SLC35E3: variants seen among roughly 807,000 people sequenced by gnomAD.
The protein encoded by SLC35E3 is bladder cancer-overexpressed gene 1 protein.
In SLC35E3, 28 loss-of-function variants were observed where a neutral mutation model predicts 30.8. That is an observed-to-expected ratio of 0.91 (90% CI 0.67 to 1.25). SLC35E3 has a LOEUF of 1.25. Ranked by LOEUF, SLC35E3 falls within the 50% of genes most tolerant of loss-of-function variation. The pLI is 0.00. For missense variants in SLC35E3, 365 were observed against 375.4 expected (o/e 0.97, Z 0.23); for synonymous variants, 146 against 149.2 (o/e 0.98, Z 0.16).
At chr12:68,763,733 T>C (rs1460020443) in intron 4 of SLC35E3, among the ~76,000 whole-genome samples, 4 of 152,234 alleles carry the variant, frequency 2.6e-5, no homozygotes, top group Non-Finnish European at 5.9e-5. Context: ...GTATTTAGTT[T>C]GCTTTTTAAA....
chr12:68,757,625 G>A (rs1448464170), intron 3 of SLC35E3, among the ~76,000 whole-genome samples: 1 of 152,122 alleles, frequency 6.6e-6, no homozygotes, highest in Non-Finnish European at 1.5e-5. Context: ...AACAATTATT[G>A]GTGCATAATA....
At position 68,765,803 on chromosome 12, in the gene SLC35E3, A is replaced by C. The variant is rs1307084479; in HGVS notation, c.*913A>C. Reference sequence around the variant, plus strand: ...GTTGGTCCCAGCAAAGTATATGAAAATTAAAGTTCTGTGATAATGACAAAG... The same window carrying C: ...GTTGGTCCCAGCAAAGTATATGAAACTTAAAGTTCTGTGATAATGACAAAG... On this transcript the variant is annotated 3_prime_UTR_variant, in exon 5 of 5. Transcript: ENST00000398004. 6.6e-6 allele frequency: 1 copy of C among 151,516 alleles called. No homozygotes were observed. The highest frequency in any genetic ancestry group is 1.5e-5 in the Non-Finnish European group (1 of 67,938). The allele number at this position is 151,516 out of a possible 1,614,324, so 9.4% of individuals were successfully genotyped here.
rs188199044 is a variant in SLC35E3, at chr12:68,753,797, C to T, written c.672+1607C>T. Among the ~76,000 whole-genome samples the T allele has an allele frequency of 3.1e-4, 27 of 86,926 alleles. 1 individual carries two copies. The Admixed American group carries it at 3.5e-3, about 11-fold the overall frequency. 57.0% of individuals were successfully genotyped at this position (86,926 alleles called of 152,430 possible). On this transcript the variant is annotated intron_variant, in intron 3 of 4. Coordinates refer to ENST00000398004, the MANE Select transcript of SLC35E3 (RefSeq NM_018656.5). ...TGTTCTTCCATATTTTTCTCCATGC[C>T]GTATATATCCATACACACACACACA...
rs1879477651 is a variant in SLC35E3 at position 68,767,662 on chromosome 12, C to T, written c.*2772C>T. 2 of 150,930 alleles carry T rather than the reference C, an allele frequency of 1.3e-5. No homozygotes were observed. The highest frequency in any genetic ancestry group is 4.9e-5 in the African/African-American group (2 of 41,152). 9.3% of individuals were successfully genotyped at this position (150,930 alleles called of 1,614,324 possible). A position where few individuals can be genotyped will look rare whatever the true frequency, so the allele number is the denominator to read the frequency against. On this transcript the variant is annotated 3_prime_UTR_variant, in exon 5 of 5. Coordinates refer to ENST00000398004, the MANE Select transcript of SLC35E3 (RefSeq NM_018656.5). The stretch of plus-strand genomic sequence containing the variant: ...TTGGGGTTTTTAGGATTTTTTTTTC[C>T]TGGACTCTGAAATGAGAAGCCTCGC...
chr12:68,746,470 C>T lies in SLC35E3; in HGVS notation c.93C>T (p.Leu31=). 1 of 1,614,228 alleles carries T rather than the reference C, an allele frequency of 6.2e-7. No homozygotes were observed. Among genetic ancestry groups the T allele is most frequent in the Non-Finnish European group, 8.5e-7 (1 of 1,180,024 alleles). The change falls in exon 1 of 5, where the codon CTC becomes CTT. Residue 31 remains leucine (L), a synonymous_variant. Transcript: ENST00000398004. The part of the protein sequence containing the change: ...NLLVSICIVF[L]NKWIYVYHGF... ...TGGTGTCCATCTGCATTGTGTTCCTCAACAAATGGATTTATGTGTACCACG... is the reference window on the plus strand; with the variant it reads ...TGGTGTCCATCTGCATTGTGTTCCTTAACAAATGGATTTATGTGTACCACG...
rs1190004922 is a variant in SLC35E3 at position 68,768,440 on chromosome 12, A to T, written c.*3550A>T. ...ATAAATGAATAAAATAAGTACTGCT[A>T]AAACTTGAGTCTGATAAACTTTTTT... is the stretch of plus-strand genomic sequence containing the variant. On this transcript the variant is annotated 3_prime_UTR_variant, in exon 5 of 5. Coordinates refer to ENST00000398004, the MANE Select transcript of SLC35E3 (RefSeq NM_018656.5). The T allele has an allele frequency of 6.6e-6, 1 of 152,194 alleles. No homozygotes were observed. The highest frequency in any genetic ancestry group is 1.5e-5 in the Non-Finnish European group (1 of 68,040). 9.4% of individuals were successfully genotyped at this position (152,194 alleles called of 1,614,324 possible).
Position 68,746,231 on chromosome 12 carries a change from A to C in SLC35E3, c.-147A>C, listed in dbSNP as rs933585973. 21 of 705,344 alleles carry C rather than the reference A, an allele frequency of 3.0e-5. No homozygotes were observed. The highest frequency in any genetic ancestry group is 4.1e-5 in the Non-Finnish European group (18 of 436,546). The allele number at this position is 705,344 out of a possible 1,614,324, so 43.7% of individuals were successfully genotyped here. A position where few individuals can be genotyped will look rare whatever the true frequency, so the allele number is the denominator to read the frequency against. ...GTGTGTGTCCTCTGTTAAGAGTGCT[A>C]CTCGCCCGGGGTTGATCTGTGCATG... is the stretch of plus-strand genomic sequence containing the variant. On this transcript the variant is annotated 5_prime_UTR_variant, in exon 1 of 5. Coordinates refer to ENST00000398004, the MANE Select transcript of SLC35E3 (RefSeq NM_018656.5).
At position 68,759,018 on chromosome 12, in the gene SLC35E3, C is replaced by T. The variant is rs961008476; in HGVS notation, c.673-139C>T. The T allele has an allele frequency of 3.3e-5, 22 of 657,976 alleles. No individual in the cohort carries two copies. In the Admixed American group the frequency reaches 4.4e-4, roughly 13 times the overall value. 40.8% of individuals were successfully genotyped at this position (657,976 alleles called of 1,614,324 possible). On this transcript the variant is annotated intron_variant, in intron 3 of 4. Coordinates refer to ENST00000398004, the MANE Select transcript of SLC35E3 (RefSeq NM_018656.5). ...TGCTGGGATTACAGGCGTGAGCCAC[C>T]GCGCCCGGCCCTCTCTTTCTAATCT...
intron 2 of SLC35E3, among the ~76,000 whole-genome samples, chr12:68,751,525 C>T (rs1267194087): frequency 6.6e-6 from 1 of 152,104 alleles, no homozygotes; most frequent in Non-Finnish European, 1.5e-5. Context: ...GACTCCTGAC[C>T]TCAGGTTATC....
intron 3 of SLC35E3, among the ~76,000 whole-genome samples, chr12:68,753,809 T>C (rs868075094): frequency 5.4e-5 from 8 of 148,484 alleles, no homozygotes; most frequent in East Asian, 2.0e-4. Context: ...TATATATCCA[T>C]ACACACACAC....
intron 4 of SLC35E3, among the ~76,000 whole-genome samples, chr12:68,763,321 T>G (rs1879285010): frequency 1.3e-5 from 2 of 152,028 alleles, no homozygotes; most frequent in South Asian, 4.1e-4. Flanking sequence ...AACAAGAGAG[T>G]ACTCATTTAT....
chr12:68,753,668 C>T (rs1357264347), intron 3 of SLC35E3, among the ~76,000 whole-genome samples: 6 of 151,854 alleles, frequency 4.0e-5, no homozygotes, highest in African/African-American at 1.5e-4. Flanking sequence ...TTTCCCCAGC[C>T]TTCCTAGCCA....
In SLC35E3 at chr12:68,746,329, A is replaced by G. The variant is rs189423877; in HGVS notation, c.-49A>G. On this transcript the variant is annotated 5_prime_UTR_variant, in exon 1 of 5. Coordinates refer to ENST00000398004, the MANE Select transcript of SLC35E3 (RefSeq NM_018656.5). ...GTGGAGTAGAAGGGCAGCCGGAGACAGGCCCGGCGCCCCTTCCGAGGCTAG... is the reference window on the plus strand; with the variant it reads ...GTGGAGTAGAAGGGCAGCCGGAGACGGGCCCGGCGCCCCTTCCGAGGCTAG... The G allele has an allele frequency of 2.6e-6, 4 of 1,518,464 alleles. No homozygotes were observed. The highest frequency in any genetic ancestry group is 2.3e-5 in the East Asian group (1 of 44,224). 94.1% of individuals were successfully genotyped at this position (1,518,464 alleles called of 1,614,324 possible).
intron 3 of SLC35E3, among the ~76,000 whole-genome samples, chr12:68,753,123 A>G (rs1275096488): frequency 6.6e-6 from 1 of 151,542 alleles, no homozygotes; most frequent in Non-Finnish European, 1.5e-5. Flanking sequence ...AAAAAAAAAA[A>G]AAAAAGAATT....
At chr12:68,757,085 G>A (rs931340554) in intron 3 of SLC35E3, among the ~76,000 whole-genome samples, 9 of 152,110 alleles carry the variant, frequency 5.9e-5, no homozygotes, top group Non-Finnish European at 8.8e-5. Context: ...ATTCAGCATC[G>A]CTTTATGATT....
In SLC35E3 at chr12:68,777,378, C is replaced by T. The variant is rs577097632; in HGVS notation, c.*12488C>T. The T allele has an allele frequency of 6.6e-6, 1 of 152,302 alleles. No individual in the cohort carries two copies. Among genetic ancestry groups the T allele is most frequent in the East Asian group, 1.9e-4 (1 of 5,166 alleles). 9.4% of individuals were successfully genotyped at this position (152,302 alleles called of 1,614,324 possible). ...GCTTGTACTCAAATAGCATTCCTCA[C>T]AGGAATGTCACACCTGTGACTCTCT... On this transcript the variant is annotated 3_prime_UTR_variant, in exon 5 of 5. Transcript: ENST00000398004.
chr12:68,757,917 A>T (rs1592540582), intron 3 of SLC35E3, among the ~76,000 whole-genome samples: 1 of 148,382 alleles, frequency 6.7e-6, no homozygotes, highest in Non-Finnish European at 1.5e-5. Flanking sequence ...GTGAAACCCC[A>T]TCTCTACCAA....
At chr12:68,747,239 A>G (rs1030386117) in intron 1 of SLC35E3, among the ~76,000 whole-genome samples, 1 of 151,704 alleles carries the variant, frequency 6.6e-6, no homozygotes, top group Non-Finnish European at 1.5e-5. Context: ...CAATTTTAGC[A>G]CTTAGTAACT....
rs532396267 is a variant in SLC35E3 at position 68,775,877 on chromosome 12, G to A, written c.*10987G>A. 1 of 143,658 alleles carries A rather than the reference G, an allele frequency of 7.0e-6. No individual in the cohort carries two copies. Among genetic ancestry groups the A allele is most frequent in the East Asian group, 2.1e-4 (1 of 4,744 alleles). The allele number at this position is 143,658 out of a possible 1,614,324, so 8.9% of individuals were successfully genotyped here. On this transcript the variant is annotated 3_prime_UTR_variant, in exon 5 of 5. Transcript: ENST00000398004. Reference sequence around the variant, plus strand: ...GCAGGAGAATGGCTTGAACCCGAGAGGCAGAGGTTGCAGTAAGCTGGAATC... The same window carrying A: ...GCAGGAGAATGGCTTGAACCCGAGAAGCAGAGGTTGCAGTAAGCTGGAATC...
Sources: allele counts gnomAD v4.1 joint callset (sites outside exome capture counted in the v4.1 genomes callset), GRCh38; gene constraint gnomAD v4.1.1; transcripts MANE v1.5; gene names NCBI Gene and HGNC (gene_info 2026-07-23, HGNC 2026-07-21).